ANKAR: variants seen among roughly 807,000 people sequenced by gnomAD.
The protein encoded by ANKAR is ankyrin and armadillo repeat-containing protein.
ANKAR carries 136 observed loss-of-function variants against 146.2 expected under a neutral mutation model. The observed-to-expected ratio is 0.93, with a 90% CI of 0.81 to 1.07. The LOEUF is 1.07. ANKAR is among the 50% of genes least tolerant of loss of function. The probability of loss-of-function intolerance (pLI) is 0.00; values close to 1 mark genes in which losing one functional copy is unlikely to be tolerated. For synonymous variants in ANKAR, 500 were observed against 575.8 expected, an observed-to-expected ratio of 0.87 and a Z score of 1.88; for missense variants, 1,567 against 1,679.9, an observed-to-expected ratio of 0.93 and a Z score of 1.18.
At chr2:189,719,486 A>G in intron 10 of ANKAR, 86 bp from the exon 11 acceptor site, 1 of 1,114,540 alleles carries the variant, frequency 9.0e-7, no homozygotes, top group Non-Finnish European at 1.2e-6. Flanking sequence ...GCCCATAAAT[A>G]TTATTTAAAT....
chr2:189,752,899 C>A (rs760033551), intron 18 of ANKAR: 1 of 1,613,888 alleles, frequency 6.2e-7, no homozygotes. Flanking sequence ...GAGGACACAA[C>A]AAAGTGCACT....
rs2040747445 is a variant in ANKAR, at chr2:189,718,158, G to T, written c.2225-1414G>T. Among the ~76,000 whole-genome samples, 4 of 152,204 alleles carry T rather than the reference G, an allele frequency of 2.6e-5. No individual in the cohort carries two copies. The South Asian group carries it at 8.3e-4, about 32-fold the overall frequency. On this transcript the variant is annotated intron_variant, in intron 10 of 22. Transcript: ENST00000684021. ...ACTGTCCAGAATAACTTTCTGAAAT[G>T]ATGAAAATGTTCAGTTGGGCATGGT...
chr2:189,745,239 T>C (rs2254040), intron 22 of ANKAR, among the ~76,000 whole-genome samples: 1,834 of 151,978 alleles, frequency 0.012, 45 homozygotes, highest in African/African-American at 0.042. Context: ...CCTGCATACT[T>C]CTCTTTTGTA....
intron 5 of ANKAR, among the ~76,000 whole-genome samples, chr2:189,693,968 C>T (rs1021176133): frequency 6.6e-6 from 1 of 152,046 alleles, no homozygotes; most frequent in Non-Finnish European, 1.5e-5. Flanking sequence ...AGGCTGGTCT[C>T]GAACTCCTGA....
intron 5 of ANKAR, among the ~76,000 whole-genome samples, chr2:189,694,718 TC>T (rs1408342374): frequency 1.3e-5 from 2 of 152,140 alleles, no homozygotes; most frequent in Non-Finnish European, 2.9e-5. Context: ...AGTTAGGCCT[TC>T]CAGGAGCTTT....
At chr2:189,726,031 T>G (rs2041845017) in intron 12 of ANKAR, among the ~76,000 whole-genome samples, 1 of 152,204 alleles carries the variant, frequency 6.6e-6, no homozygotes, top group African/African-American at 2.4e-5. Flanking sequence ...GGGCTCTTCC[T>G]TATAGCAGAA....
At chr2:189,687,839 C>G (rs966145185) in intron 2 of ANKAR, among the ~76,000 whole-genome samples, 1 of 152,136 alleles carries the variant, frequency 6.6e-6, no homozygotes, top group African/African-American at 2.4e-5. Context: ...TGTTTGACCT[C>G]CTTATATAGT....
chr2:189,753,768 T>TA, intron 18 of ANKAR: 2 of 827,470 alleles, frequency 2.4e-6, no homozygotes, highest in Non-Finnish European at 3.6e-6. Flanking sequence ...AAATGGCTGT[T>TA]AGTCTTTCCT....
In ANKAR at chr2:189,719,812, A is replaced by G. The variant is rs2041017027; in HGVS notation, c.2465A>G (p.Tyr822Cys). 1 of 1,563,938 alleles carries G rather than the reference A, an allele frequency of 6.4e-7. No individual in the cohort carries two copies. The highest frequency in any genetic ancestry group is 8.7e-7 in the Non-Finnish European group (1 of 1,143,322). The change falls in exon 11 of 23, where the codon TAT (tyrosine) becomes TGT (cysteine). Residue 822 changes from tyrosine to cysteine, a missense_variant and splice_region_variant. By Grantham distance (194) the Tyr-to-Cys change is radical (BLOSUM62 -2). Transcript: ENST00000684021. Reference sequence around the variant, plus strand: ...GAAAACAAGGATGTTATTGCCAAATATGTAAGTTCCTTTCATATACAATTA... The same window carrying G: ...GAAAACAAGGATGTTATTGCCAAATGTGTAAGTTCCTTTCATATACAATTA... ...QCENKDVIAK[Y>C]NGIPSLINLL...
At position 189,696,208 on chromosome 2, in the gene ANKAR, C is replaced by T. The variant is rs1205894251; in HGVS notation, c.1547C>T (p.Thr516Ile). ...AGAGGGTTGTCTGCAGTTTTCCACA[C>T]ATTTAGCCGTAAAACCTCAAGCTCA... ...VERGLSAVFH[T>I]FSRKTSSSTI... Residue 516 changes from threonine (T) to isoleucine (I), a missense_variant, in exon 7 of 23, where the codon ACA (threonine) becomes ATA (isoleucine). Physicochemically the swap from Thr to Ile is moderately conservative, Grantham distance 89 (BLOSUM62 -1). Transcript: ENST00000684021. The T allele has an allele frequency of 1.2e-6, 2 of 1,613,932 alleles. No individual in the cohort carries two copies. Among genetic ancestry groups the T allele is most frequent in the Admixed American group, 1.7e-5 (1 of 59,992 alleles).
intron 18 of ANKAR, among the ~76,000 whole-genome samples, chr2:189,758,490 T>A (rs1440894893): frequency 2.0e-5 from 3 of 152,186 alleles, no homozygotes. Context: ...AAAAGCTCCC[T>A]GGGCCTCCCC....
chr2:189,743,841 A>G (rs2043689633), intron 21 of ANKAR, among the ~76,000 whole-genome samples: 1 of 152,162 alleles, frequency 6.6e-6, no homozygotes, highest in Admixed American at 6.5e-5. Flanking sequence ...CTTAGCATCA[A>G]ATGGGTTTTC....
chr2:189,737,712 A>G lies in ANKAR; in HGVS notation c.3453A>G (p.Leu1151=). The part of the protein sequence containing the change: ...KDICLRAGYA[L]TLFAFNNRFQ... ...TTTGCTTAAGAGCAGGCTATGCATT[A>G]ACACTTTTTGCCTTCAATAATCGCT... is the stretch of plus-strand genomic sequence containing the variant. Residue 1151 remains leucine (L), a synonymous_variant, in exon 18 of 23, where the codon TTA becomes TTG. Transcript: ENST00000684021. 1 of 1,598,770 alleles carries G rather than the reference A, an allele frequency of 6.3e-7. No homozygotes were observed. Among genetic ancestry groups the G allele is most frequent in the Non-Finnish European group, 8.5e-7 (1 of 1,176,320 alleles).
At chr2:189,756,138 AGAC>A in intron 18 of ANKAR, among the ~76,000 whole-genome samples, 1 of 152,352 alleles carries the variant, frequency 6.6e-6, no homozygotes, top group East Asian at 1.9e-4. Context: ...AGTTTTATAA[AGAC>A]GACGAGTTTA....
intron 2 of ANKAR, among the ~76,000 whole-genome samples, chr2:189,685,000 T>C (rs982987252): frequency 1.3e-4 from 19 of 151,958 alleles, no homozygotes; most frequent in Middle Eastern, 3.2e-3. Context: ...ATGTGCACTT[T>C]GTTTTCTGAA....
At chr2:189,750,600 G>A, downstream of ANKAR, 5 of 1,585,792 alleles carry the variant, frequency 3.2e-6, no homozygotes, top group East Asian at 1.1e-4. Flanking sequence ...TTTTAATTGT[G>A]GTACTTTTAT....
At chr2:189,711,501 A>G (rs1306967641) in intron 10 of ANKAR, among the ~76,000 whole-genome samples, 1 of 152,184 alleles carries the variant, frequency 6.6e-6, no homozygotes, top group East Asian at 1.9e-4. Flanking sequence ...TTTACTTTTG[A>G]AATTAAAAAT....
intron 18 of ANKAR, 68 bp downstream of exon 18, chr2:189,737,909 C>T: frequency 2.1e-6 from 3 of 1,398,446 alleles, no homozygotes; most frequent in Non-Finnish European, 2.8e-6. Flanking sequence ...AAAATTACAA[C>T]AATTTGGAGG....
chr2:189,745,268 AT>A (rs1222481411), intron 22 of ANKAR, among the ~76,000 whole-genome samples: 2 of 151,926 alleles, frequency 1.3e-5, no homozygotes, highest in African/African-American at 4.8e-5. Flanking sequence ...TACCTAAAAT[AT>A]CTTCCTAATT....
Sources: gnomAD v4.1 joint callset for allele counts (sites outside exome capture counted in the v4.1 genomes callset) on GRCh38, gnomAD v4.1.1 for gene constraint, MANE v1.5 for transcripts, NCBI Gene and HGNC (gene_info 2026-07-23, HGNC 2026-07-21) for gene names.